Variants in DMBT1 observed in about 807,000 individuals in gnomAD.
The protein encoded by DMBT1 is scavenger receptor cysteine-rich domain-containing protein DMBT1.
DMBT1 carries 198 observed loss-of-function variants against 252.9 expected under a neutral mutation model. The observed-to-expected ratio is 0.78, with a 90% CI of 0.70 to 0.88. The LOEUF is 0.88. DMBT1 is among the 40% of genes least tolerant of loss of function. The probability of loss-of-function intolerance (pLI) is 0.00; values close to 1 mark genes in which losing one functional copy is unlikely to be tolerated. For synonymous variants in DMBT1, 990 were observed against 942.7 expected (o/e 1.05, Z -0.92); for missense variants, 2,432 against 2,404.7 (o/e 1.01, Z -0.24).
intron 16 of DMBT1, among the ~76,000 whole-genome samples, chr10:122,588,558 C>T (rs1361623695): frequency 1.3e-5 from 2 of 149,084 alleles, no homozygotes; most frequent in Non-Finnish European, 3.0e-5. Flanking sequence ...AAAGCCTTGC[C>T]ATCCTTGGCA....
At position 122,579,761 on chromosome 10, in the gene DMBT1, A is replaced by G. The variant is rs764477516; in HGVS notation, c.863A>G (p.Gln288Arg). Residue 288 changes from glutamine to arginine, a missense_variant, in exon 10 of 56, where the codon CAG becomes CGG. Gln to Arg is a conservative substitution (Grantham distance 43, BLOSUM62 1). This residue lies in a region of DMBT1 where 1,264 missense variants were observed against 1,082.2 expected (regional missense o/e 1.17). Coordinates refer to ENST00000338354, the MANE Select transcript of DMBT1 (RefSeq NM_001377530.1). ...GWAMSAPGNA[Q>R]FGQGSGPIVL... Reference sequence around the variant, plus strand: ...GCCATGTCAGCCCCAGGAAATGCCCAGTTTGGCCAGGGCTCAGGACCCATT... The same window carrying G: ...GCCATGTCAGCCCCAGGAAATGCCCGGTTTGGCCAGGGCTCAGGACCCATT... The G allele has an allele frequency of 2.6e-4, 425 of 1,613,806 alleles. 4 individuals are homozygous for G. The South Asian group carries it at 4.1e-3, about 15-fold the overall frequency.
Position 122,571,295 on chromosome 10 carries a change from G to A in DMBT1, c.187+358G>A, listed in dbSNP as rs548465250. Among the ~76,000 whole-genome samples the A allele has an allele frequency of 5.3e-5, 8 of 152,262 alleles. No individual in the cohort carries two copies. In the South Asian group the frequency reaches 1.7e-3, roughly 32 times the overall value. On this transcript the variant is annotated intron_variant, in intron 4 of 55. Transcript: ENST00000338354. The stretch of plus-strand genomic sequence containing the variant: ...GTGGTGGAGGCAGGCTTCAGTCTCA[G>A]CCCCTCAGAATCTGCTGATGGAATC...
At position 122,598,998 on chromosome 10, in the gene DMBT1, C is replaced by T. The variant is rs768718263; in HGVS notation, c.3181C>T (p.Arg1061Cys). 126 of 1,613,628 alleles carry T rather than the reference C, an allele frequency of 7.8e-5. No homozygotes were observed. The highest frequency in any genetic ancestry group is 1.6e-4 in the Middle Eastern group (1 of 6,074). Residue 1061 changes from arginine to cysteine, a missense_variant, in exon 26 of 56, where the codon CGC (arginine) becomes TGC (cysteine). Arg to Cys is a radical substitution (Grantham distance 180). Around this residue, in one of 3 missense-constraint regions of DMBT1, gnomAD observed 1,264 missense variants for 1,082.2 expected, o/e 1.17. Transcript: ENST00000338354. Reference protein sequence around the residue: ...GSGPIVLDDVRCSGHESYLWS... With the variant: ...GSGPIVLDDVCCSGHESYLWS... The stretch of plus-strand genomic sequence containing the variant: ...AGGACCCATTGTCCTGGATGATGTG[C>T]GCTGCTCAGGACACGAGTCTTACCT...
chr10:122,563,017 T>C (rs950493602), intron 1 of DMBT1, among the ~76,000 whole-genome samples: 1 of 152,228 alleles, frequency 6.6e-6, no homozygotes, highest in Non-Finnish European at 1.5e-5. Context: ...TGCAGGGAAC[T>C]GAGGTGATGA....
rs530408312 is a variant in DMBT1 at position 122,589,105 on chromosome 10, A to G, written c.1945A>G (p.Thr649Ala). The stretch of plus-strand genomic sequence containing the variant: ...CAGGCAGCTGGGCTGTGGCTGGGCC[A>G]CGTCAGCCCCAGGAAATGCCCGGTT... ...VCRQLGCGWA[T>A]SAPGNARFGQ... Residue 649 changes from threonine to alanine, a missense_variant, in exon 17 of 56, where the codon ACG (threonine) becomes GCG (alanine). Around this residue, in one of 3 missense-constraint regions of DMBT1, gnomAD observed 1,264 missense variants for 1,082.2 expected, o/e 1.17. Transcript: ENST00000338354. 157 of 1,588,590 alleles carry G rather than the reference A, an allele frequency of 9.9e-5. 12 individuals carry two copies. The Middle Eastern group carries it at 2.7e-3, about 27-fold the overall frequency.
chr10:122,578,936 G>T (rs2097738183), intron 9 of DMBT1, among the ~76,000 whole-genome samples, 177 bp downstream of exon 9: 1 of 152,136 alleles, frequency 6.6e-6, no homozygotes, highest in Admixed American at 6.5e-5. Context: ...GGGAACAAGA[G>T]CAGGACCTCC....
chr10:122,593,127 T>C lies in DMBT1; in HGVS notation c.2501-442T>C, dbSNP rs965212046. Among the ~76,000 whole-genome samples the C allele has an allele frequency of 3.3e-4, 49 of 149,100 alleles. 2 individuals carry two copies. The highest frequency in any genetic ancestry group is 1.1e-3 in the African/African-American group (46 of 41,300). On this transcript the variant is annotated intron_variant, in intron 20 of 55. Coordinates refer to ENST00000338354, the MANE Select transcript of DMBT1 (RefSeq NM_001377530.1). ...GGTTGGAGTCCTTGACCTCAGGTCC[T>C]CTCAGAACGCTGCAGAGCACTGCCT...
At chr10:122,601,067 A>G (rs765938193) in intron 28 of DMBT1, 44 bp downstream of exon 28, 56 of 734,072 alleles carry the variant, frequency 7.6e-5, no homozygotes, top group Non-Finnish European at 1.0e-4. Flanking sequence ...CTGTCTCTGG[A>G]CATATTTTGT....
At chr10:122,617,172 C>G (rs1442039050) in intron 39 of DMBT1, 56 bp from the exon 40 acceptor site, 4 of 1,562,918 alleles carry the variant, frequency 2.6e-6, no homozygotes, top group Admixed American at 1.7e-5. Flanking sequence ...ACCTTTTGTT[C>G]TGTGCCTTTT....
intron 55 of DMBT1, 28 bp from the exon 56 acceptor site, chr10:122,643,094 G>T: frequency 6.2e-7 from 1 of 1,607,998 alleles, no homozygotes; most frequent in South Asian, 1.1e-5. Context: ...GCCTTGGTGA[G>T]AGCTAAGGGG....
chr10:122,636,429 C>T (rs1182211098), intron 53 of DMBT1, among the ~76,000 whole-genome samples: 1 of 144,920 alleles, frequency 6.9e-6, no homozygotes, highest in Non-Finnish European at 1.5e-5. Flanking sequence ...TTACTGTGGT[C>T]AGCAGAGACT....
At chr10:122,600,583 G>T (rs2097940775) in intron 27 of DMBT1, among the ~76,000 whole-genome samples, 1 of 152,166 alleles carries the variant, frequency 6.6e-6, no homozygotes, top group South Asian at 2.1e-4. Context: ...GATAATAAAG[G>T]TTTGTGATGT....
rs1054694181 is a variant in DMBT1 at position 122,576,789 on chromosome 10, G to A, written c.607+67G>A. ...TGCCTTTAATCCCCACACTTTGGGA[G>A]GATGAGGTAGGCAGATTGCTTGAGC... is the stretch of plus-strand genomic sequence containing the variant. On this transcript the variant is annotated intron_variant, in intron 7 of 55. Transcript: ENST00000338354. The A allele has an allele frequency of 1.1e-5, 17 of 1,589,282 alleles. No homozygotes were observed. The African/African-American group carries it at 2.0e-4, about 19-fold the overall frequency.
intron 5 of DMBT1, among the ~76,000 whole-genome samples, chr10:122,572,633 C>T (rs1488727436): frequency 6.6e-6 from 1 of 151,718 alleles, no homozygotes; most frequent in Non-Finnish European, 1.5e-5. Flanking sequence ...GTGGTACCAC[C>T]CCTTTTCATA....
intron 20 of DMBT1, among the ~76,000 whole-genome samples, chr10:122,593,360 C>T (rs1438162063): frequency 6.7e-6 from 1 of 148,176 alleles, no homozygotes; most frequent in African/African-American, 2.4e-5. Flanking sequence ...ACAATTTGAT[C>T]ACCTCAGAGC....
intron 10 of DMBT1, among the ~76,000 whole-genome samples, chr10:122,580,645 C>T (rs2097760421): frequency 6.6e-6 from 1 of 152,050 alleles, no homozygotes; most frequent in Non-Finnish European, 1.5e-5. Flanking sequence ...CCTGGGCAGA[C>T]ACAATTTGAT....
At chr10:122,598,623 A>G in intron 25 of DMBT1, 151 bp from the exon 26 acceptor site, 1 of 1,518,856 alleles carries the variant, frequency 6.6e-7, no homozygotes, top group Non-Finnish European at 8.8e-7. Context: ...TTTGACTTTG[A>G]TGAAGCTGAA....
At chr10:122,619,603 G>A (rs1029043321) in intron 42 of DMBT1, among the ~76,000 whole-genome samples, 1 of 152,204 alleles carries the variant, frequency 6.6e-6, no homozygotes, top group African/African-American at 2.4e-5. Flanking sequence ...TCAGGAAGTG[G>A]CCTCATGTTT....
chr10:122,584,749 GC>G (rs2097775492), intron 14 of DMBT1, among the ~76,000 whole-genome samples: 1 of 149,200 alleles, frequency 6.7e-6, no homozygotes, highest in Admixed American at 6.6e-5. Context: ...GCCGCCATGG[GC>G]AAGCAATGTC....
Sources: gnomAD v4.1 joint callset for allele counts (sites outside exome capture counted in the v4.1 genomes callset) on GRCh38, gnomAD v4.1.1 for gene constraint, gnomAD v4.1.1 regional missense constraint, MANE v1.5 for transcripts, NCBI Gene and HGNC (gene_info 2026-07-23, HGNC 2026-07-21) for gene names.